TKTL1: variants seen among roughly 807,000 people sequenced by gnomAD.
The protein encoded by TKTL1 is transketolase-like protein 1.
A neutral mutation model predicts 39.3 loss-of-function variants in TKTL1; 1 was observed. The ratio of observed to expected loss-of-function variants is 0.03; its 90% CI spans 0.01 to 0.12. The LOEUF (loss-of-function observed/expected upper bound fraction) is 0.12, where lower values mean the gene tolerates loss of function less well. Among genes scored for constraint, TKTL1 ranks in the 10% least tolerant of loss-of-function variants. The pLI, the probability that TKTL1 is intolerant of heterozygous loss-of-function variation, is 1.00. For missense variants in TKTL1, 575 were observed against 509.6 expected, an observed-to-expected ratio of 1.13 and a Z score of -1.24; for synonymous variants, 262 against 193.8, an observed-to-expected ratio of 1.35 and a Z score of -2.92.
chrX:154,309,570 G>C, intron 3 of TKTL1, 128 bp downstream of exon 3: 1 of 569,764 alleles, frequency 1.8e-6, no homozygotes, highest in South Asian at 2.8e-5. Context: ...CACATCCCGT[G>C]GTGACCCCTC....
Position 154,311,095 on chromosome X carries a change from G to T in TKTL1, c.543-16G>T. 3 of 1,211,438 alleles carry T rather than the reference G, an allele frequency of 2.5e-6. No individual in the cohort carries two copies. Among genetic ancestry groups the T allele is most frequent in the Non-Finnish European group, 3.4e-6 (3 of 895,091 alleles). On this transcript the variant is annotated splice_polypyrimidine_tract_variant and intron_variant, in intron 4 of 12. Coordinates refer to ENST00000369915, the MANE Select transcript of TKTL1 (RefSeq NM_012253.4). Reference sequence around the variant, plus strand: ...CCCTTCATCTCTTGTAACCCAGCCTGCTCCTCTGTTGGCAGGTGGAACACT... The same window carrying T: ...CCCTTCATCTCTTGTAACCCAGCCTTCTCCTCTGTTGGCAGGTGGAACACT...
Position 154,305,429 on chromosome X carries a change from G to T in TKTL1, c.252+8G>T. ...CGATTTGTCCTCGCAAAGGTATGCC[G>T]GTGGGGAGCCCAGGGCTGCTGTGGC... On this transcript the variant is annotated splice_region_variant and intron_variant, in intron 2 of 12. Transcript: ENST00000369915. 8.3e-7 allele frequency: 1 copy of T among 1,204,784 alleles called. No individual in the cohort carries two copies. The highest frequency in any genetic ancestry group is 1.7e-5 in the African/African-American group (1 of 57,829).
intron 5 of TKTL1, among the ~76,000 whole-genome samples, chrX:154,311,886 C>G (rs1192829731): frequency 9.0e-6 from 1 of 110,801 alleles, no homozygotes; most frequent in Non-Finnish European, 1.9e-5. Flanking sequence ...CCTCTGCCTC[C>G]CCCTCATATG....
intron 1 of TKTL1, among the ~76,000 whole-genome samples, chrX:154,297,413 G>T (rs1215520928): frequency 9.1e-6 from 1 of 110,448 alleles, no homozygotes; most frequent in East Asian, 2.9e-4. Context: ...CCGCCACCAC[G>T]CCTGGCTAAT....
intron 9 of TKTL1, among the ~76,000 whole-genome samples, chrX:154,324,579 T>TG (rs1263466385): frequency 9.0e-6 from 1 of 111,591 alleles, no homozygotes; most frequent in African/African-American, 3.3e-5. Context: ...TGCTTCATAG[T>TG]GGGGGGAGAC....
chrX:154,296,373 A>G (rs2067228194), intron 1 of TKTL1, among the ~76,000 whole-genome samples: 1 of 111,103 alleles, frequency 9.0e-6, no homozygotes, highest in Non-Finnish European at 1.9e-5. Context: ...TTTAGCGGGG[A>G]GCAGGGCTTC....
At chrX:154,316,089 T>C (rs782220725) in intron 7 of TKTL1, among the ~76,000 whole-genome samples, 4 of 111,712 alleles carry the variant, frequency 3.6e-5, no homozygotes, top group African/African-American at 1.3e-4. Context: ...TTAAAAAAAA[T>C]TTTTTTAGAC....
chrX:154,316,747 G>T (rs1369144896), intron 7 of TKTL1, among the ~76,000 whole-genome samples: 1 of 103,639 alleles, frequency 9.6e-6, no homozygotes, highest in East Asian at 3.2e-4. Context: ...TTGTTGTTTT[G>T]TGGTTTTTGG....
At chrX:154,314,343 A>T (rs1225258122) in intron 6 of TKTL1, among the ~76,000 whole-genome samples, 1 of 111,596 alleles carries the variant, frequency 9.0e-6, no homozygotes, top group African/African-American at 3.3e-5. Context: ...TAAATAGAAC[A>T]TTAGCCCATC....
At chrX:154,305,175 C>A in intron 1 of TKTL1, 129 bp from the exon 2 acceptor site, 1 of 1,179,585 alleles carries the variant, frequency 8.5e-7, no homozygotes. Context: ...GCCCTGCATT[C>A]CTTACCCTTG....
rs782787133 is a variant in TKTL1 at position 154,318,749 on chromosome X, A to G, written c.1030-2008A>G. On this transcript the variant is annotated intron_variant, in intron 7 of 12. Coordinates refer to ENST00000369915, the MANE Select transcript of TKTL1 (RefSeq NM_012253.4). ...AAAAAAGTTCAAGACCAGCCTGAAC[A>G]ACATAGTGAGACCTGGTCTGTAATT... is the stretch of plus-strand genomic sequence containing the variant. Among the ~76,000 whole-genome samples, 929 of 107,419 alleles carry G rather than the reference A, an allele frequency of 8.6e-3. 14 individuals carry two copies. The highest frequency in any genetic ancestry group is 0.03 in the African/African-American group (896 of 29,400). The allele number at this position is 107,419 out of a possible 115,157, so 93.3% of individuals were successfully genotyped here. A position where few individuals can be genotyped will look rare whatever the true frequency, so the allele number is the denominator to read the frequency against.
intron 1 of TKTL1, among the ~76,000 whole-genome samples, chrX:154,300,010 ATT>A (rs1169453325): frequency 0.016 from 1,393 of 86,584 alleles, 29 homozygotes; most frequent in African/African-American, 0.059. Flanking sequence ...TACTTTTAGT[ATT>A]TTTTTTTTTT....
rs147356870 is a variant in TKTL1, at chrX:154,295,882, C to T, written c.23C>T (p.Ala8Val). MADAEAR[A>V]EFPEEARPDR... ...CTAATGGCGGATGCTGAGGCGAGGGCTGAGTTCCCGGAGGAGGCCAGACCT... is the reference window on the plus strand; with the variant it reads ...CTAATGGCGGATGCTGAGGCGAGGGTTGAGTTCCCGGAGGAGGCCAGACCT... Residue 8 changes from alanine (A) to valine (V), a missense_variant, in exon 1 of 13, where the codon GCT becomes GTT. Coordinates refer to ENST00000369915, the MANE Select transcript of TKTL1 (RefSeq NM_012253.4). 1,101 of 1,210,099 alleles carry T rather than the reference C, an allele frequency of 9.1e-4. 8 individuals carry two copies. In the African/African-American group the frequency reaches 0.016, roughly 18 times the overall value.
At chrX:154,317,102 A>G (rs905914081) in intron 7 of TKTL1, among the ~76,000 whole-genome samples, 2 of 111,557 alleles carry the variant, frequency 1.8e-5, no homozygotes, top group Non-Finnish European at 3.8e-5. Context: ...ATAGAAAACA[A>G]TGCGATCCGT....
chrX:154,314,180 GAA>G (rs1329320540), intron 6 of TKTL1, among the ~76,000 whole-genome samples: 3 of 111,301 alleles, frequency 2.7e-5, no homozygotes, highest in Non-Finnish European at 5.7e-5. Context: ...TAACCTTTAT[GAA>G]AAGAGTAATT....
chrX:154,302,271 C>T (rs1189324694), intron 1 of TKTL1, among the ~76,000 whole-genome samples: 2 of 110,822 alleles, frequency 1.8e-5, no homozygotes, highest in Non-Finnish European at 3.8e-5. Flanking sequence ...AAGAAATTTT[C>T]CCTGTAGAGA....
In TKTL1 at chrX:154,323,258, C is replaced by T; in HGVS notation, c.1238C>T (p.Thr413Ile). The part of the protein sequence containing the change: ...MALEDIAMFR[T>I]IPKCTIFYPT... ...CTGGAGGATATAGCCATGTTCCGAA[C>T]CATTCCCAAGTGCACGATCTTCTAC... Residue 413 changes from threonine (T) to isoleucine (I), a missense_variant, in exon 9 of 13, where the codon ACC (threonine) becomes ATC (isoleucine). Transcript: ENST00000369915. 1 of 1,211,523 alleles carries T rather than the reference C, an allele frequency of 8.3e-7. No homozygotes were observed. Among genetic ancestry groups the T allele is most frequent in the South Asian group, 1.8e-5 (1 of 56,973 alleles).
chrX:154,306,164 C>T (rs782745596), intron 2 of TKTL1, among the ~76,000 whole-genome samples: 5 of 110,527 alleles, frequency 4.5e-5, no homozygotes, highest in South Asian at 3.8e-4. Context: ...AAAAAATTAG[C>T]TAGGCATGGT....
chrX:154,314,050 T>TA (rs1327728842), intron 6 of TKTL1, among the ~76,000 whole-genome samples: 2 of 110,899 alleles, frequency 1.8e-5, no homozygotes, highest in Non-Finnish European at 3.8e-5. Flanking sequence ...CAAAATTGAC[T>TA]AAAAGAGGTA....
Sources: gnomAD v4.1 joint callset for allele counts (sites outside exome capture counted in the v4.1 genomes callset) on GRCh38, gnomAD v4.1.1 for gene constraint, MANE v1.5 for transcripts, NCBI Gene and HGNC (gene_info 2026-07-23, HGNC 2026-07-21) for gene names.